Variants in IQGAP2 observed in about 807,000 individuals in gnomAD.
IQGAP2 encodes the protein ras GTPase-activating-like protein IQGAP2.
A neutral mutation model predicts 201.3 loss-of-function variants in IQGAP2; 173 were observed. The ratio of observed to expected loss-of-function variants is 0.86; its 90% CI spans 0.76 to 0.98. The LOEUF (loss-of-function observed/expected upper bound fraction) is 0.98. IQGAP2 is among the 50% of genes least tolerant of loss of function. The probability of loss-of-function intolerance (pLI) is 0.00; values close to 1 mark genes in which losing one functional copy is unlikely to be tolerated. For missense variants in IQGAP2, 1,687 were observed against 1,864.8 expected (o/e 0.90, Z 1.76); for synonymous variants, 675 against 673.9 (o/e 1.00, Z -0.03).
At position 76,695,655 on chromosome 5, in the gene IQGAP2, G is replaced by GA. The variant is rs1224912611; in HGVS notation, c.4196dup (p.Ile1400AspfsTer13). The GA allele has an allele frequency of 6.2e-7, 1 of 1,613,476 alleles. No individual in the cohort carries two copies. The highest frequency in any genetic ancestry group is 8.5e-7 in the Non-Finnish European group (1 of 1,179,498). On this transcript the variant is annotated frameshift_variant, in exon 32 of 36. Coordinates refer to ENST00000274364, the MANE Select transcript of IQGAP2 (RefSeq NM_006633.5). LOFTEE classifies it high-confidence loss of function. ...AAATAAATACCAAGACATTCTCAATGAGATTGCCAAGGTTTTTGGAAACAG... is the reference window on the plus strand; with the variant it reads ...AAATAAATACCAAGACATTCTCAATGAAGATTGCCAAGGTTTTTGGAAACAG...
At chr5:76,525,024 A>T (rs1003058001) in intron 2 of IQGAP2, among the ~76,000 whole-genome samples, 4 of 152,218 alleles carry the variant, frequency 2.6e-5, no homozygotes, top group Admixed American at 1.3e-4. Flanking sequence ...TGCATTATGC[A>T]TGCGAGTCTG....
rs138948118 is a variant in IQGAP2 at position 76,686,789 on chromosome 5, G to A, written c.3905+2872G>A. 3.3e-3 allele frequency among the ~76,000 whole-genome samples: 501 copies of A among 152,284 alleles called. 4 individuals carry two copies. The highest frequency in any genetic ancestry group is 0.011 in the African/African-American group (462 of 41,556). ...CTCCCAAAGTGCTGGGATTACAGGC[G>A]TGAGCCACCACTCCTGGCCCCACCT... On this transcript the variant is annotated intron_variant, in intron 30 of 35. Transcript: ENST00000274364.
intron 2 of IQGAP2, among the ~76,000 whole-genome samples, chr5:76,517,737 A>T (rs572959848): frequency 6.6e-6 from 1 of 152,140 alleles, no homozygotes; most frequent in Non-Finnish European, 1.5e-5. Context: ...AGTTAGATCC[A>T]TCGCATACGA....
chr5:76,629,507 C>T (rs1383060866), intron 14 of IQGAP2, among the ~76,000 whole-genome samples: 1 of 152,170 alleles, frequency 6.6e-6, no homozygotes, highest in African/African-American at 2.4e-5. Context: ...AGATTTGCCT[C>T]TACTTTTGAT....
chr5:76,450,318 G>A (rs1263279728), intron 1 of IQGAP2, among the ~76,000 whole-genome samples: 1 of 152,092 alleles, frequency 6.6e-6, no homozygotes. Context: ...TCCTCCTACT[G>A]CTTCCTGTGC....
intron 2 of IQGAP2, among the ~76,000 whole-genome samples, chr5:76,506,610 T>C (rs1340126277): frequency 6.6e-6 from 1 of 152,222 alleles, no homozygotes. Flanking sequence ...GTCTCAAGAA[T>C]TTCTTTTTTG....
intron 5 of IQGAP2, among the ~76,000 whole-genome samples, chr5:76,584,141 G>T (rs1746079970): frequency 6.6e-6 from 1 of 151,972 alleles, no homozygotes; most frequent in Non-Finnish European, 1.5e-5. Flanking sequence ...CAAAGTGCTG[G>T]GATTACAGAC....
chr5:76,625,086 C>A (rs1461298191), intron 13 of IQGAP2, among the ~76,000 whole-genome samples: 2 of 152,090 alleles, frequency 1.3e-5, no homozygotes, highest in Non-Finnish European at 2.9e-5. Flanking sequence ...GCAGACTTTA[C>A]ATTGATAAGA....
At chr5:76,571,507 T>C (rs1027962071) in intron 4 of IQGAP2, among the ~76,000 whole-genome samples, 1 of 152,168 alleles carries the variant, frequency 6.6e-6, no homozygotes, top group African/African-American at 2.4e-5. Context: ...TTATAAATCA[T>C]AATATCACTT....
intron 15 of IQGAP2, among the ~76,000 whole-genome samples, chr5:76,633,256 A>C (rs1750851305): frequency 6.6e-6 from 1 of 152,168 alleles, no homozygotes; most frequent in South Asian, 2.1e-4. Flanking sequence ...AAATGGCAGC[A>C]AGACTTTTGT....
At chr5:76,414,344 TG>T (rs894562055) in intron 1 of IQGAP2, among the ~76,000 whole-genome samples, 24 of 152,084 alleles carry the variant, frequency 1.6e-4, no homozygotes, top group Non-Finnish European at 3.1e-4. Context: ...CCCCCTAAAC[TG>T]TGCTTCCTCA....
At chr5:76,670,208 T>C (rs1744181439) in intron 23 of IQGAP2, among the ~76,000 whole-genome samples, 1 of 151,978 alleles carries the variant, frequency 6.6e-6, no homozygotes. Context: ...GCACCTACAA[T>C]TAGTCAAAAA....
intron 5 of IQGAP2, among the ~76,000 whole-genome samples, chr5:76,580,695 G>T (rs1745789124): frequency 6.6e-6 from 1 of 152,004 alleles, no homozygotes; most frequent in Non-Finnish European, 1.5e-5. Flanking sequence ...GTTTCAGCTT[G>T]GTCAGTCTGA....
intron 11 of IQGAP2, 45 bp from the exon 12 acceptor site, chr5:76,606,134 A>T: frequency 6.5e-7 from 1 of 1,530,272 alleles, no homozygotes; most frequent in East Asian, 2.3e-5. Context: ...AGGAACGAAG[A>T]ATGAATGTCT....
intron 1 of IQGAP2, among the ~76,000 whole-genome samples, chr5:76,429,860 G>GACACACACAC (rs56031811): frequency 0.025 from 3,663 of 144,602 alleles, 160 homozygotes; most frequent in African/African-American, 0.09. Context: ...AGGAGACACA[G>GACACACACAC]ACACACACAC....
chr5:76,677,694 G>A (rs1744940047), intron 28 of IQGAP2, among the ~76,000 whole-genome samples: 1 of 152,214 alleles, frequency 6.6e-6, no homozygotes, highest in African/African-American at 2.4e-5. Context: ...TTGGGAGACT[G>A]AGGCAGGAGG....
At chr5:76,695,762 C>A in intron 32 of IQGAP2, 96 bp downstream of exon 32, 3 of 856,278 alleles carry the variant, frequency 3.5e-6, no homozygotes, top group Admixed American at 2.1e-5. Context: ...ATTAGGGATT[C>A]ATGGTTGCAT....
At chr5:76,653,310 G>A (rs1008107987) in intron 18 of IQGAP2, among the ~76,000 whole-genome samples, 6 of 152,158 alleles carry the variant, frequency 3.9e-5, no homozygotes, top group Non-Finnish European at 5.9e-5. Context: ...GAAAGAAAGG[G>A]TACTGTGATG....
intron 13 of IQGAP2, chr5:76,618,208 G>A (rs148499696): frequency 2.9e-5 from 47 of 1,614,036 alleles, no homozygotes; most frequent in South Asian, 6.6e-5. Context: ...GTGGTGGCCC[G>A]GCACAGGACC....
Sources: allele counts gnomAD v4.1 joint callset (sites outside exome capture counted in the v4.1 genomes callset), GRCh38; gene constraint gnomAD v4.1.1; transcripts MANE v1.5; gene names NCBI Gene and HGNC (gene_info 2026-07-23, HGNC 2026-07-21).